The following ZMYM2 variants were observed in gnomAD, a reference collection of about 807,000 sequenced individuals.
The protein encoded by ZMYM2 is zinc finger MYM-type containing 2.
A neutral mutation model predicts 162.8 loss-of-function variants in ZMYM2; 56 were observed. That is an observed-to-expected ratio of 0.34 (90% CI 0.28 to 0.43). The LOEUF is 0.43. Among genes scored for constraint, ZMYM2 ranks in the 20% least tolerant of loss-of-function variants. ZMYM2 has a pLI of 1.00. For missense variants in ZMYM2, 1,275 were observed against 1,621.8 expected (o/e 0.79, Z 3.67); for synonymous variants, 510 against 541.6 (o/e 0.94, Z 0.81).
At chr13:19,988,620 G>A (rs6490502) in intron 2 of ZMYM2, among the ~76,000 whole-genome samples, 15,583 of 151,992 alleles carry the variant, frequency 0.1, 1,303 homozygotes, top group African/African-American at 0.22. Context: ...CGTCTCTACT[G>A]AAAACACAAA....
intron 2 of ZMYM2, among the ~76,000 whole-genome samples, chr13:19,969,096 G>C (rs1292372369): frequency 1.3e-5 from 2 of 152,106 alleles, no homozygotes; most frequent in East Asian, 3.9e-4. Flanking sequence ...CATTCCCCTT[G>C]AGACCCAGTG....
chr13:19,972,073 T>C (rs1222016738), intron 2 of ZMYM2, among the ~76,000 whole-genome samples: 1 of 152,188 alleles, frequency 6.6e-6, no homozygotes, highest in Non-Finnish European at 1.5e-5. Context: ...TTCTTACCTC[T>C]AGAAATTCTA....
At chr13:20,010,598 A>G (rs1951092404) in intron 6 of ZMYM2, among the ~76,000 whole-genome samples, 1 of 151,516 alleles carries the variant, frequency 6.6e-6, no homozygotes, top group South Asian at 2.1e-4. Flanking sequence ...TGGGTTTTGT[A>G]GTTCAGTTCT....
chr13:19,969,741 G>C (rs1956142433), intron 2 of ZMYM2, among the ~76,000 whole-genome samples: 1 of 151,456 alleles, frequency 6.6e-6, no homozygotes, highest in Non-Finnish European at 1.5e-5. Context: ...TAAGTGATAA[G>C]ATTTTTTATT....
At chr13:20,019,096 A>G (rs1460803350) in intron 6 of ZMYM2, among the ~76,000 whole-genome samples, 1 of 24,224 alleles carries the variant, frequency 4.1e-5, no homozygotes, top group African/African-American at 8.9e-5. Flanking sequence ...AAAAAAAACA[A>G]CAACAACAAC....
At chr13:19,882,490 T>C in the ZMYM2 span, among the ~76,000 whole-genome samples, 1 of 152,178 alleles carries the variant, frequency 6.6e-6, no homozygotes, top group African/African-American at 2.4e-5. Flanking sequence ...CTCACACCTG[T>C]AATCCTAGCA....
intron 2 of ZMYM2, among the ~76,000 whole-genome samples, chr13:19,968,087 C>CA (rs771240611): frequency 7.9e-5 from 12 of 152,178 alleles, no homozygotes; most frequent in Non-Finnish European, 1.5e-4. Flanking sequence ...TCTGCACTGT[C>CA]AACACTATAA....
intron 21 of ZMYM2, among the ~76,000 whole-genome samples, chr13:20,073,715 G>C (rs1326075541): frequency 6.6e-6 from 1 of 152,080 alleles, no homozygotes; most frequent in South Asian, 2.1e-4. Context: ...TGAATCTCTG[G>C]ATTGCCTTTT....
chr13:19,942,322 A>T, the ZMYM2 span, among the ~76,000 whole-genome samples: 3 of 151,386 alleles, frequency 2.0e-5, no homozygotes, highest in East Asian at 5.8e-4. Flanking sequence ...TTATACTAGG[A>T]TACAATTCTA....
At chr13:20,051,825 G>C (rs1312860305) in intron 13 of ZMYM2, among the ~76,000 whole-genome samples, 1 of 152,118 alleles carries the variant, frequency 6.6e-6, no homozygotes, top group Non-Finnish European at 1.5e-5. Flanking sequence ...AAAAGGCATA[G>C]TTGAGAGTGA....
Position 20,006,600 on chromosome 13 carries a change from T to C in ZMYM2, c.1512+14T>C, listed in dbSNP as rs1434823367. The C allele has an allele frequency of 6.2e-7, 1 of 1,611,686 alleles. No individual in the cohort carries two copies. The highest frequency in any genetic ancestry group is 1.7e-5 in the Admixed American group (1 of 59,810). ...GAATACAAACAGGTAATTCATGTTC[T>C]AATCAAAATTGGGCATTCTTTAGAA... is the stretch of plus-strand genomic sequence containing the variant. On this transcript the variant is annotated intron_variant, in intron 6 of 24. Coordinates refer to ENST00000610343, the MANE Select transcript of ZMYM2 (RefSeq NM_197968.4).
At chr13:19,882,180 T>C in the ZMYM2 span, among the ~76,000 whole-genome samples, 7 of 152,032 alleles carry the variant, frequency 4.6e-5, no homozygotes, top group African/African-American at 1.7e-4. Flanking sequence ...TAAATCAGAC[T>C]TCATCAATAT....
chr13:19,968,263 C>A (rs1038816772), intron 2 of ZMYM2, among the ~76,000 whole-genome samples: 27 of 152,010 alleles, frequency 1.8e-4, no homozygotes, highest in African/African-American at 6.0e-4. Context: ...TTTTTTTGAG[C>A]CAGAGTTTTG....
Position 20,031,300 on chromosome 13 carries a change from C to G in ZMYM2, c.1852-19C>G, listed in dbSNP as rs780319119. On this transcript the variant is annotated intron_variant, in intron 9 of 24. Transcript: ENST00000610343. ...CAAACATACATGTCAGGCTTAGTAT[C>G]TTTTGTTCTTTGTTTTAGGCTCTAA... 6.4e-7 allele frequency: 1 copy of G among 1,551,386 alleles called. No homozygotes were observed. Among genetic ancestry groups the G allele is most frequent in the South Asian group, 1.2e-5 (1 of 85,518 alleles).
At chr13:20,078,247 G>A (rs995175227) in intron 21 of ZMYM2, among the ~76,000 whole-genome samples, 3 of 151,914 alleles carry the variant, frequency 2.0e-5, no homozygotes, top group Non-Finnish European at 2.9e-5. Context: ...TTAAATTAAT[G>A]GTGGATTATT....
chr13:19,903,500 A>G, the ZMYM2 span, among the ~76,000 whole-genome samples: 41 of 151,072 alleles, frequency 2.7e-4, no homozygotes, highest in East Asian at 1.7e-3. Flanking sequence ...AAAAAAAAAA[A>G]AAAAGAAAAT....
chr13:20,032,090 C>T (rs1275686342), intron 10 of ZMYM2, among the ~76,000 whole-genome samples: 1 of 151,778 alleles, frequency 6.6e-6, no homozygotes, highest in African/African-American at 2.4e-5. Flanking sequence ...AGGCTGGTCT[C>T]GATCTCCAGA....
At chr13:20,075,125 A>G (rs1057179468) in intron 21 of ZMYM2, among the ~76,000 whole-genome samples, 35 of 152,200 alleles carry the variant, frequency 2.3e-4, no homozygotes, top group African/African-American at 8.2e-4. Context: ...GTGCTGTTTA[A>G]TATTAGTTCA....
chr13:20,079,551 ATG>A, intron 21 of ZMYM2, among the ~76,000 whole-genome samples: 1 of 152,212 alleles, frequency 6.6e-6, no homozygotes, highest in East Asian at 1.9e-4. Flanking sequence ...AGGGAGCCAT[ATG>A]TGTATAGATT....
Sources: gnomAD v4.1 joint callset for allele counts (sites outside exome capture counted in the v4.1 genomes callset) on GRCh38, gnomAD v4.1.1 for gene constraint, MANE v1.5 for transcripts, NCBI Gene and HGNC (gene_info 2026-07-23, HGNC 2026-07-21) for gene names.